The following AHR variants were observed in gnomAD, a reference collection of about 807,000 sequenced individuals.
The protein encoded by AHR is aryl hydrocarbon receptor.
AHR carries 40 observed loss-of-function variants against 86.8 expected under a neutral mutation model. The ratio of observed to expected loss-of-function variants is 0.46; its 90% confidence interval spans 0.36 to 0.60. The LOEUF is 0.60. Among genes scored for constraint, AHR ranks in the 20% least tolerant of loss-of-function variants. The pLI is 0.00. For synonymous variants in AHR, 398 were observed against 354.9 expected (o/e 1.12, Z -1.37); for missense variants, 1,001 against 1,011.6 (o/e 0.99, Z 0.14).
chr7:17,306,943 T>C (rs1562473953), intron 1 of AHR, among the ~76,000 whole-genome samples: 1 of 152,166 alleles, frequency 6.6e-6, no homozygotes, highest in African/African-American at 2.4e-5. Flanking sequence ...ACAAAAATGA[T>C]TTAAGCTTAC....
At chr7:17,309,200 C>G (rs915033744) in intron 1 of AHR, among the ~76,000 whole-genome samples, 1 of 152,002 alleles carries the variant, frequency 6.6e-6, no homozygotes, top group African/African-American at 2.4e-5. Flanking sequence ...TTTAGGGTTC[C>G]GTTGAACTTT....
At chr7:17,310,691 C>A (rs950775574) in intron 2 of AHR, among the ~76,000 whole-genome samples, 1 of 151,884 alleles carries the variant, frequency 6.6e-6, no homozygotes, top group Non-Finnish European at 1.5e-5. Context: ...CCCACCACCA[C>A]GCCCAGCTAA....
chr7:17,303,477 C>T (rs1781974312), intron 1 of AHR, among the ~76,000 whole-genome samples: 1 of 152,066 alleles, frequency 6.6e-6, no homozygotes, highest in South Asian at 2.1e-4. Context: ...ATTTCCCATA[C>T]ATAATTTGTA....
intron 6 of AHR, among the ~76,000 whole-genome samples, chr7:17,331,500 C>G (rs553351318): frequency 5.3e-5 from 8 of 151,976 alleles, no homozygotes; most frequent in East Asian, 1.9e-4. Flanking sequence ...TGTATTTTGA[C>G]TATTTTAGGA....
Position 17,312,597 on chromosome 7 carries a change from C to A in AHR, c.253+2474C>A, listed in dbSNP as rs1351378645. On this transcript the variant is annotated intron_variant, in intron 2 of 10. Coordinates refer to ENST00000242057, the MANE Select transcript of AHR (RefSeq NM_001621.5). ...AAGTAAAGGAGATCTCACAGTCTAT[C>A]TTATAAAGCATGTCATAGTTTAACA... Among the ~76,000 whole-genome samples the A allele has an allele frequency of 2.6e-5, 4 of 152,160 alleles. No individual in the cohort carries two copies. The South Asian group carries it at 8.3e-4, about 32-fold the overall frequency.
In AHR at chr7:17,299,335, T is replaced by A. The variant is rs780062739; in HGVS notation, c.65+6T>A. ...CGGAAGCCGGTGCAGAAAACGTGAG[T>A]GTCCCGAGCGCGTCCTCATCGCGGG... On this transcript the variant is annotated splice_donor_region_variant and intron_variant, in intron 1 of 10. Coordinates refer to ENST00000242057, the MANE Select transcript of AHR (RefSeq NM_001621.5). 1.2e-6 allele frequency: 2 copies of A among 1,612,270 alleles called. No individual in the cohort carries two copies. Among genetic ancestry groups the A allele is most frequent in the Non-Finnish European group, 1.7e-6 (2 of 1,179,546 alleles).
intron 1 of AHR, among the ~76,000 whole-genome samples, chr7:17,309,637 A>G (rs1782042060): frequency 6.6e-6 from 1 of 152,218 alleles, no homozygotes; most frequent in South Asian, 2.1e-4. Context: ...GAGAGGGGAA[A>G]AAAATCCCAG....
Position 17,330,836 on chromosome 7 carries a change from T to TGC in AHR, c.656_657dup (p.Phe220AlafsTer6). On this transcript the variant is annotated frameshift_variant, in exon 6 of 11. Transcript: ENST00000242057. LOFTEE classifies it high-confidence loss of function. ...AGAAAACTCTCCTTTAATGGAGAGG[T>TGC]GCTTCATATGTCGTCTAAGGTGTCT... is the stretch of plus-strand genomic sequence containing the variant. 1 of 1,612,482 alleles carries TGC rather than the reference T, an allele frequency of 6.2e-7. No homozygotes were observed. Among genetic ancestry groups the TGC allele is most frequent in the Non-Finnish European group, 8.5e-7 (1 of 1,178,866 alleles).
chr7:17,298,684 C>G lies in AHR; in HGVS notation c.-581C>G, dbSNP rs1781915431. 2.5e-6 allele frequency: 1 copy of G among 395,824 alleles called. No homozygotes were observed. The highest frequency in any genetic ancestry group is 4.5e-6 in the Non-Finnish European group (1 of 224,602). 24.5% of individuals were successfully genotyped at this position (395,824 alleles called of 1,614,324 possible). On this transcript the variant is annotated 5_prime_UTR_variant, in exon 1 of 11. Transcript: ENST00000242057. ...GGGGAGTCCCGTCGACGCTCTGTTC[C>G]GAGAGCGTGCCCCGGACCGCCAGCT...
At chr7:17,333,848 T>C in intron 6 of AHR, 64 bp from the exon 7 acceptor site, 3 of 1,390,646 alleles carry the variant, frequency 2.2e-6, no homozygotes, top group Non-Finnish European at 3.0e-6. Flanking sequence ...TGGAGCCTTT[T>C]AAAAAGGCAC....
At chr7:17,329,897 A>G (rs1782267657) in intron 4 of AHR, 55 bp from the exon 5 acceptor site, 11 of 1,496,692 alleles carry the variant, frequency 7.3e-6, no homozygotes, top group Non-Finnish European at 9.0e-7. Context: ...AAATTAATTT[A>G]GCCATATTTT....
intron 10 of AHR, 35 bp downstream of exon 10, chr7:17,340,263 G>A: frequency 6.5e-7 from 1 of 1,546,746 alleles, no homozygotes. Context: ...AAATCTTTCA[G>A]TGATTCTTTT....
chr7:17,338,594 A>C (rs1247177888), intron 9 of AHR, among the ~76,000 whole-genome samples: 1 of 152,098 alleles, frequency 6.6e-6, no homozygotes, highest in African/African-American at 2.4e-5. Context: ...GGGCTCAAGC[A>C]ATTCACACAC....
chr7:17,325,336 A>G (rs1782217130), intron 3 of AHR, among the ~76,000 whole-genome samples: 1 of 152,170 alleles, frequency 6.6e-6, no homozygotes, highest in Non-Finnish European at 1.5e-5. Context: ...ATGTACACCA[A>G]TGAGTTTATT....
intron 1 of AHR, 26 bp downstream of exon 1, chr7:17,299,355 C>T (rs781208943): frequency 1.2e-6 from 2 of 1,609,440 alleles, no homozygotes; most frequent in South Asian, 1.1e-5. Context: ...GCGTCCTCAT[C>T]GCGGGGGCTG....
chr7:17,299,761 G>T (rs962805098), intron 1 of AHR, among the ~76,000 whole-genome samples: 1 of 152,356 alleles, frequency 6.6e-6, no homozygotes, highest in South Asian at 2.1e-4. Context: ...TTGGTAAGGC[G>T]AGATGTTTTA....
chr7:17,299,425 C>A, intron 1 of AHR, 96 bp downstream of exon 1: 2 of 1,408,256 alleles, frequency 1.4e-6, no homozygotes, highest in Non-Finnish European at 1.9e-6. Context: ...CCCTGCGATC[C>A]TGGGATTAGG....
chr7:17,299,339 C>T lies in AHR; in HGVS notation c.65+10C>T, dbSNP rs1424351377. ...AGCCGGTGCAGAAAACGTGAGTGTCCCGAGCGCGTCCTCATCGCGGGGGCT... is the reference window on the plus strand; with the variant it reads ...AGCCGGTGCAGAAAACGTGAGTGTCTCGAGCGCGTCCTCATCGCGGGGGCT... On this transcript the variant is annotated intron_variant, in intron 1 of 10. Transcript: ENST00000242057. 11 of 1,611,356 alleles carry T rather than the reference C, an allele frequency of 6.8e-6. No homozygotes were observed. In the Admixed American group the frequency reaches 1.8e-4, roughly 27 times the overall value.
chr7:17,306,400 T>G (rs1182579533), intron 1 of AHR, among the ~76,000 whole-genome samples: 1 of 152,170 alleles, frequency 6.6e-6, no homozygotes, highest in Non-Finnish European at 1.5e-5. Context: ...CAATCTGACA[T>G]TTTAAAAGCT....
Sources: gnomAD v4.1 joint callset for allele counts (sites outside exome capture counted in the v4.1 genomes callset) on GRCh38, gnomAD v4.1.1 for gene constraint, MANE v1.5 for transcripts, NCBI Gene and HGNC (gene_info 2026-07-23, HGNC 2026-07-21) for gene names.